The following CNTNAP2 variants were observed in gnomAD, a reference collection of about 807,000 sequenced individuals.
CNTNAP2 encodes contactin-associated protein-like 2.
A neutral mutation model predicts 155.2 loss-of-function variants in CNTNAP2; 98 were observed. The observed-to-expected ratio is 0.63, with a 90% confidence interval of 0.54 to 0.75. CNTNAP2 has a LOEUF of 0.75. Among genes scored for constraint, CNTNAP2 ranks in the 30% least tolerant of loss-of-function variants. The probability of loss-of-function intolerance (pLI) is 0.00; values close to 1 mark genes in which losing one functional copy is unlikely to be tolerated. For synonymous variants in CNTNAP2, 651 were observed against 631.2 expected (o/e 1.03, Z -0.47); for missense variants, 1,727 against 1,688.1 (o/e 1.02, Z -0.40).
intron 13 of CNTNAP2, among the ~76,000 whole-genome samples, chr7:147,836,180 TAAC>T (rs897604611): frequency 2.6e-5 from 4 of 152,234 alleles, no homozygotes; most frequent in African/African-American, 9.6e-5. Context: ...TTGTTGATTT[TAAC>T]AAAATATAGC....
intron 13 of CNTNAP2, among the ~76,000 whole-genome samples, chr7:147,700,791 G>T (rs1210931941): frequency 6.6e-6 from 1 of 152,178 alleles, no homozygotes; most frequent in Non-Finnish European, 1.5e-5. Flanking sequence ...AAATTGCTTA[G>T]AATGAGAGCA....
chr7:148,033,236 G>A (rs1364222817), intron 15 of CNTNAP2, among the ~76,000 whole-genome samples: 1 of 151,910 alleles, frequency 6.6e-6, no homozygotes, highest in Non-Finnish European at 1.5e-5. Context: ...TTATAATTGG[G>A]TAAAATAAGA....
chr7:146,706,904 T>G (rs1176799214), intron 1 of CNTNAP2, among the ~76,000 whole-genome samples: 1 of 142,472 alleles, frequency 7.0e-6, no homozygotes, highest in African/African-American at 2.9e-5. Flanking sequence ...CATGTACCCC[T>G]GAACTTAAAA....
intron 3 of CNTNAP2, among the ~76,000 whole-genome samples, chr7:146,935,036 A>G (rs1796880698): frequency 6.6e-6 from 1 of 152,240 alleles, no homozygotes; most frequent in African/African-American, 2.4e-5. Context: ...AAATGTGTTC[A>G]TGACCTTGTG....
chr7:146,974,143 A>G (rs939739418), intron 3 of CNTNAP2, among the ~76,000 whole-genome samples: 5 of 152,206 alleles, frequency 3.3e-5, no homozygotes, highest in African/African-American at 9.6e-5. Context: ...GAAGACATAT[A>G]GAGGACAGGG....
intron 1 of CNTNAP2, among the ~76,000 whole-genome samples, chr7:146,365,683 T>C (rs1432697090): frequency 6.6e-6 from 1 of 152,168 alleles, no homozygotes; most frequent in South Asian, 2.1e-4. Flanking sequence ...AAATGAAAAA[T>C]GTGAACTATA....
intron 10 of CNTNAP2, among the ~76,000 whole-genome samples, chr7:147,438,713 A>G (rs1462070448): frequency 2.0e-5 from 3 of 151,932 alleles, no homozygotes; most frequent in African/African-American, 7.2e-5. Flanking sequence ...TGAAGCCATC[A>G]AGTCCCGGGC....
chr7:147,948,599 A>G (rs1012610370), intron 14 of CNTNAP2, among the ~76,000 whole-genome samples: 4 of 150,292 alleles, frequency 2.7e-5, no homozygotes, highest in Non-Finnish European at 5.9e-5. Flanking sequence ...ACACACAAGC[A>G]TATATGTATG....
intron 9 of CNTNAP2, among the ~76,000 whole-genome samples, chr7:147,391,110 A>G (rs1796708687): frequency 6.6e-6 from 1 of 152,190 alleles, no homozygotes; most frequent in Non-Finnish European, 1.5e-5. Flanking sequence ...TAAGACCTGT[A>G]AACAAGTTTT....
chr7:148,251,156 C>G (rs1228747710), intron 20 of CNTNAP2, among the ~76,000 whole-genome samples: 1 of 152,218 alleles, frequency 6.6e-6, no homozygotes, highest in Non-Finnish European at 1.5e-5. Flanking sequence ...ACCCCAGCTG[C>G]AAGCCCAGGG....
intron 14 of CNTNAP2, chr7:147,940,401 A>G (rs1190562392): frequency 6.6e-6 from 1 of 152,056 alleles, no homozygotes; most frequent in African/African-American, 2.4e-5. Context: ...GGAGGAAAAA[A>G]TAAAAAGCAG....
intron 22 of CNTNAP2, among the ~76,000 whole-genome samples, chr7:148,405,121 A>G (rs866165426): frequency 6.6e-6 from 1 of 150,982 alleles, no homozygotes; most frequent in Non-Finnish European, 1.5e-5. Flanking sequence ...CAGGGACTCC[A>G]CCCTCTTCTA....
rs545604062 is a variant in CNTNAP2, at chr7:147,466,181, A to G, written c.1671-19754A>G. Among the ~76,000 whole-genome samples the G allele has an allele frequency of 3.3e-5, 5 of 152,310 alleles. No individual in the cohort carries two copies. In the South Asian group the frequency reaches 8.3e-4, roughly 25 times the overall value. On this transcript the variant is annotated intron_variant, in intron 10 of 23. Coordinates refer to ENST00000361727, the MANE Select transcript of CNTNAP2 (RefSeq NM_014141.6). ...ATCTAGAAACATGATTGAAGGAAAA[A>G]AGGGCCTGATCTAATGCTAATAGAT... is the stretch of plus-strand genomic sequence containing the variant.
intron 15 of CNTNAP2, among the ~76,000 whole-genome samples, chr7:148,097,260 C>T (rs1803991024): frequency 6.7e-6 from 1 of 149,164 alleles, no homozygotes; most frequent in African/African-American, 2.5e-5. Context: ...TGAGCATTCC[C>T]CGTCAGTGCT....
At chr7:147,299,658 C>G (rs958173734) in intron 8 of CNTNAP2, among the ~76,000 whole-genome samples, 7 of 152,112 alleles carry the variant, frequency 4.6e-5, no homozygotes, top group Admixed American at 4.6e-4. Context: ...AAAACAAAGA[C>G]AGACTTTAGA....
intron 18 of CNTNAP2, among the ~76,000 whole-genome samples, chr7:148,176,206 T>G (rs1794931425): frequency 7.3e-6 from 1 of 136,330 alleles, no homozygotes; most frequent in African/African-American, 2.9e-5. Context: ...CTTTTCTTTC[T>G]TTCTCTTTTT....
chr7:146,221,668 A>G (rs1799210533), intron 1 of CNTNAP2, among the ~76,000 whole-genome samples: 1 of 152,222 alleles, frequency 6.6e-6, no homozygotes, highest in Non-Finnish European at 1.5e-5. Flanking sequence ...AGTACTCATT[A>G]TATAGCAGAT....
chr7:148,178,162 G>A (rs961098791), intron 18 of CNTNAP2, among the ~76,000 whole-genome samples: 2 of 152,174 alleles, frequency 1.3e-5, no homozygotes, highest in African/African-American at 4.8e-5. Flanking sequence ...GCCAAGTTAA[G>A]CAAGAACTTA....
rs112458589 is a variant in CNTNAP2 at position 147,047,233 on chromosome 7, C to G, written c.550+3179C>G. Among the ~76,000 whole-genome samples the G allele has an allele frequency of 6.0e-3, 878 of 146,930 alleles. 13 individuals are homozygous for G. Among genetic ancestry groups the G allele is most frequent in the African/African-American group, 0.02 (821 of 40,104 alleles). On this transcript the variant is annotated intron_variant, in intron 4 of 23. Transcript: ENST00000361727. ...ATGCCATTGTCCTGCCTCAGCCTCC[C>G]GAGTAGCTGGGACTACAGGTGACCA...
Sources: allele counts gnomAD v4.1 joint callset (sites outside exome capture counted in the v4.1 genomes callset), GRCh38; gene constraint gnomAD v4.1.1; transcripts MANE v1.5; gene names NCBI Gene and HGNC (gene_info 2026-07-23, HGNC 2026-07-21).